The following ZNF681 variants were observed in gnomAD, a reference collection of about 807,000 sequenced individuals.
The protein encoded by ZNF681 is zinc finger protein 681.
Under a neutral mutation model 56.0 loss-of-function variants are expected in ZNF681, and 37 were observed. The ratio of observed to expected loss-of-function variants is 0.66; its 90% CI spans 0.51 to 0.87. The LOEUF (loss-of-function observed/expected upper bound fraction) is 0.87. ZNF681 is among the 40% of genes least tolerant of loss of function. The pLI, the probability that ZNF681 is intolerant of heterozygous loss-of-function variation, is 0.00. For missense variants in ZNF681, 741 were observed against 744.9 expected (o/e 0.99, Z 0.06); for synonymous variants, 225 against 248.6 (o/e 0.91, Z 0.89).
Position 23,758,744 on chromosome 19 carries a change from C to T in ZNF681, c.3+3G>A. ...CTCGGGATGTCGGACCCGACATTCTCACCATTTCTAGGTTTCCGGGGGACC... is the reference window on the plus strand; with the variant it reads ...CTCGGGATGTCGGACCCGACATTCTTACCATTTCTAGGTTTCCGGGGGACC... On this transcript the variant is annotated splice_donor_region_variant and intron_variant, in intron 1 of 3. Transcript: ENST00000402377. The T allele has an allele frequency of 1.2e-6, 2 of 1,614,232 alleles. No individual in the cohort carries two copies. The highest frequency in any genetic ancestry group is 1.7e-6 in the Non-Finnish European group (2 of 1,180,040).
chr19:23,748,920 T>A (rs1224799438), intron 3 of ZNF681, among the ~76,000 whole-genome samples: 1 of 152,148 alleles, frequency 6.6e-6, no homozygotes, highest in Non-Finnish European at 1.5e-5. Flanking sequence ...AAAACAAGGA[T>A]GCAGCCACTG....
intron 3 of ZNF681, among the ~76,000 whole-genome samples, chr19:23,754,540 C>T (rs1296945317): frequency 6.6e-6 from 1 of 152,096 alleles, no homozygotes; most frequent in African/African-American, 2.4e-5. Context: ...GTGGCACACA[C>T]CTGTAGTCCC....
At chr19:23,754,783 A>G (rs749921850) in intron 3 of ZNF681, 40 bp downstream of exon 3, 2 of 1,511,782 alleles carry the variant, frequency 1.3e-6, no homozygotes, top group Non-Finnish European at 1.8e-6. Flanking sequence ...TGAACCGCTC[A>G]TCTATGTTAT....
chr19:23,747,639 C>CAAAAAAAAAAAAAAAAAAAAAACAA (rs57974422), intron 3 of ZNF681, among the ~76,000 whole-genome samples: 1 of 96,824 alleles, frequency 1.0e-5, no homozygotes, highest in African/African-American at 4.0e-5. Context: ...GACTCCGTCT[C>CAAAAAAAAAAAAAAAAAAAAAACAA]AAAAAAAAAA....
In ZNF681 at chr19:23,743,499, G is replaced by A; in HGVS notation, c.*113C>T. 1 of 980,654 alleles carries A rather than the reference G, an allele frequency of 1.0e-6. No homozygotes were observed. The highest frequency in any genetic ancestry group is 2.2e-5 in the South Asian group (1 of 45,828). The allele number at this position is 980,654 out of a possible 1,614,324, so 60.7% of individuals were successfully genotyped here. ...TCCTGTGCAATAAGGTGTGAGCATT[G>A]GTTAAAAGTTTTGCCACATTCTTCA... On this transcript the variant is annotated 3_prime_UTR_variant, in exon 4 of 4. Coordinates refer to ENST00000402377, the MANE Select transcript of ZNF681 (RefSeq NM_138286.3).
Position 23,742,466 on chromosome 19 carries a change from G to C in ZNF681, c.*1146C>G, listed in dbSNP as rs1968884946. 1 of 151,480 alleles carries C rather than the reference G, an allele frequency of 6.6e-6. No homozygotes were observed. The highest frequency in any genetic ancestry group is 1.5e-5 in the Non-Finnish European group (1 of 67,976). 9.4% of individuals were successfully genotyped at this position (151,480 alleles called of 1,614,324 possible). On this transcript the variant is annotated 3_prime_UTR_variant, in exon 4 of 4. Transcript: ENST00000402377. ...AGATCACACCATTGCACTCCAGCCT[G>C]GGCAACAAGAGCAAAACTCTGTCTC...
intron 3 of ZNF681, among the ~76,000 whole-genome samples, chr19:23,752,856 T>C (rs1030119453): frequency 6.6e-6 from 1 of 152,180 alleles, no homozygotes; most frequent in Non-Finnish European, 1.5e-5. Context: ...TCAATGCTTC[T>C]CTTTTAACAA....
intron 3 of ZNF681, among the ~76,000 whole-genome samples, chr19:23,747,872 T>A (rs1277535737): frequency 6.6e-6 from 1 of 152,030 alleles, no homozygotes; most frequent in Non-Finnish European, 1.5e-5. Context: ...AACTCCTCAG[T>A]ATATGATTAA....
intron 1 of ZNF681, 30 bp downstream of exon 1, chr19:23,758,717 C>G: frequency 3.1e-6 from 5 of 1,614,214 alleles, no homozygotes; most frequent in Middle Eastern, 1.6e-4. Context: ...CCCTTCCCCT[C>G]TCTCGGGATG....
chr19:23,754,457 A>G (rs1969083673), intron 3 of ZNF681, among the ~76,000 whole-genome samples: 1 of 151,442 alleles, frequency 6.6e-6, no homozygotes, highest in African/African-American at 2.4e-5. Flanking sequence ...TGAGGTTAGG[A>G]GTTCGAGACC....
Position 23,743,724 on chromosome 19 carries a change from TTA to T in ZNF681, c.1824_1825del (p.His608GlnfsTer7), listed in dbSNP as rs759184947. 4 of 1,611,668 alleles carry T rather than the reference TTA, an allele frequency of 2.5e-6. No individual in the cohort carries two copies. The African/African-American group carries it at 5.3e-5, about 22-fold the overall frequency. ...GAGTTTCTCACCAGTATGAATTTTC[TTA>T]TGTCCAGTAAGGTTTGAGGACTGGT... is the stretch of plus-strand genomic sequence containing the variant. On this transcript the variant is annotated frameshift_variant, in exon 4 of 4. Transcript: ENST00000402377. LOFTEE classifies it high-confidence loss of function.
intron 3 of ZNF681, among the ~76,000 whole-genome samples, chr19:23,749,435 T>C (rs914371137): frequency 2.0e-5 from 3 of 152,264 alleles, no homozygotes; most frequent in Non-Finnish European, 4.4e-5. Context: ...ACACTTAACA[T>C]GTCTGAAAAG....
At chr19:23,750,920 T>G (rs144303227) in intron 3 of ZNF681, among the ~76,000 whole-genome samples, 1 of 149,738 alleles carries the variant, frequency 6.7e-6, no homozygotes, top group South Asian at 2.1e-4. Flanking sequence ...GGTTGAAGGT[T>G]CGAGACCAGC....
chr19:23,758,337 G>A (rs985033032), intron 1 of ZNF681, among the ~76,000 whole-genome samples: 1 of 152,190 alleles, frequency 6.6e-6, no homozygotes. Flanking sequence ...GGAATTACAC[G>A]CGCGAGCCAC....
intron 3 of ZNF681, among the ~76,000 whole-genome samples, chr19:23,747,138 GA>G (rs1307489123): frequency 1.3e-5 from 2 of 152,010 alleles, no homozygotes; most frequent in Admixed American, 6.6e-5. Flanking sequence ...ATAAATGTAA[GA>G]AAATAAAAAT....
chr19:23,743,534 GTTTT>G lies in ZNF681; in HGVS notation c.*74_*77del. 2 of 1,264,022 alleles carry G rather than the reference GTTTT, an allele frequency of 1.6e-6. No homozygotes were observed. The highest frequency in any genetic ancestry group is 2.1e-6 in the Non-Finnish European group (2 of 957,032). The allele number at this position is 1,264,022 out of a possible 1,614,324, so 78.3% of individuals were successfully genotyped here. A position where few individuals can be genotyped will look rare whatever the true frequency, so the allele number is the denominator to read the frequency against. ...TTTGCCACATTCTTCACACTTGTAG[GTTTT>G]TTTTTAGTATGAATTATCTTATGCA... On this transcript the variant is annotated 3_prime_UTR_variant, in exon 4 of 4. Coordinates refer to ENST00000402377, the MANE Select transcript of ZNF681 (RefSeq NM_138286.3).
At chr19:23,754,769 C>G in intron 3 of ZNF681, 54 bp downstream of exon 3, 2 of 1,426,128 alleles carry the variant, frequency 1.4e-6, no homozygotes, top group Non-Finnish European at 2.0e-6. Context: ...TTTTCTTTGA[C>G]CTTTGAACCG....
intron 1 of ZNF681, 75 bp from the exon 2 acceptor site, chr19:23,755,626 A>C: frequency 2.2e-6 from 3 of 1,369,422 alleles, no homozygotes; most frequent in Non-Finnish European, 2.9e-6. Flanking sequence ...GGCCATGGAA[A>C]GAATTTATAA....
In ZNF681 at chr19:23,741,174, T is replaced by C. The variant is rs1672219561; in HGVS notation, c.*2438A>G. ...ACTCGCAAAGAAGGCATTTATTTAC[T>C]CCATAATTTTTTTAAACCCAAGCTT... On this transcript the variant is annotated 3_prime_UTR_variant, in exon 4 of 4. Transcript: ENST00000402377. 6.6e-6 allele frequency: 1 copy of C among 152,214 alleles called. No homozygotes were observed. The highest frequency in any genetic ancestry group is 2.4e-5 in the African/African-American group (1 of 41,456). 9.4% of individuals were successfully genotyped at this position (152,214 alleles called of 1,614,324 possible).
Sources: gnomAD v4.1 joint callset for allele counts (sites outside exome capture counted in the v4.1 genomes callset) on GRCh38, gnomAD v4.1.1 for gene constraint, MANE v1.5 for transcripts, NCBI Gene and HGNC (gene_info 2026-07-23, HGNC 2026-07-21) for gene names.